The following PRKCE variants were observed in gnomAD, a reference collection of about 807,000 sequenced individuals.
PRKCE encodes the protein protein kinase C epsilon.
In PRKCE, 16 loss-of-function variants were observed where a neutral mutation model predicts 85.4. The observed-to-expected ratio is 0.19, with a 90% CI of 0.13 to 0.28. The LOEUF is 0.28. Ranked by LOEUF, PRKCE falls within the 10% of genes least tolerant of loss-of-function variation. PRKCE has a pLI of 1.00. For synonymous variants in PRKCE, 388 were observed against 371.5 expected, an observed-to-expected ratio of 1.04 and a Z score of -0.51; for missense variants, 573 against 975.2, an observed-to-expected ratio of 0.59 and a Z score of 5.49.
chr2:45,691,964 C>T (rs944603946), intron 1 of PRKCE, among the ~76,000 whole-genome samples: 9 of 152,142 alleles, frequency 5.9e-5, no homozygotes, highest in African/African-American at 2.2e-4. Flanking sequence ...ACTATGTGTC[C>T]GTTGTTCTAT....
rs1687668651 is a variant in PRKCE, at chr2:45,799,167, A to C, written c.349-43833A>C. Among the ~76,000 whole-genome samples, 9 of 147,618 alleles carry C rather than the reference A, an allele frequency of 6.1e-5. No homozygotes were observed. The South Asian group carries it at 1.9e-3, about 31-fold the overall frequency. ...GGCAACAGAGTGGGACTCCGTTTCA[A>C]AAAAAAAAAAAGAAAAAAGTGAGCA... On this transcript the variant is annotated intron_variant, in intron 1 of 14. Transcript: ENST00000306156.
intron 2 of PRKCE, among the ~76,000 whole-genome samples, chr2:45,908,765 A>T (rs1246367101): frequency 6.6e-6 from 1 of 152,212 alleles, no homozygotes; most frequent in Non-Finnish European, 1.5e-5. Flanking sequence ...GGCAATGTGG[A>T]GGATCTCTCC....
intron 2 of PRKCE, chr2:45,852,038 C>G (rs1277970749): frequency 6.6e-6 from 1 of 152,482 alleles, no homozygotes; most frequent in Non-Finnish European, 1.5e-5. Flanking sequence ...GCTGGACAGA[C>G]AATCCCACTG....
At chr2:45,972,908 T>A (rs967342697) in intron 2 of PRKCE, among the ~76,000 whole-genome samples, 11 of 152,164 alleles carry the variant, frequency 7.2e-5, no homozygotes, top group Non-Finnish European at 1.5e-5. Flanking sequence ...AAAACAATCC[T>A]AAAAGTCATA....
At chr2:45,929,706 C>A (rs1448392721) in intron 2 of PRKCE, among the ~76,000 whole-genome samples, 2 of 152,080 alleles carry the variant, frequency 1.3e-5, no homozygotes, top group Admixed American at 6.5e-5. Flanking sequence ...TCTTCCTGTT[C>A]CATCCCCATC....
chr2:46,038,952 C>A (rs895727536), intron 10 of PRKCE, among the ~76,000 whole-genome samples: 30 of 152,132 alleles, frequency 2.0e-4, no homozygotes, highest in African/African-American at 6.5e-4. Context: ...TAGTTCCTGG[C>A]TGAAAATGTC....
At chr2:45,740,944 T>G (rs1354959389) in intron 1 of PRKCE, among the ~76,000 whole-genome samples, 1 of 152,240 alleles carries the variant, frequency 6.6e-6, no homozygotes. Flanking sequence ...TACTTTCCAT[T>G]GTAGATATTA....
rs539781456 is a variant in PRKCE at position 45,937,556 on chromosome 2, C to CA, written c.413-38864dup. On this transcript the variant is annotated intron_variant, in intron 2 of 14. Transcript: ENST00000306156. ...TGAAACCCCATCTCCACTAAAAATA[C>CA]AAAAAAAAATTAGCCAGGCCTGGTG... Among the ~76,000 whole-genome samples, 251 of 150,960 alleles carry CA rather than the reference C, an allele frequency of 1.7e-3. 1 individual carries two copies. Among genetic ancestry groups the CA allele is most frequent in the South Asian group, 0.012 (57 of 4,786 alleles).
At chr2:45,784,626 A>C (rs1686451991) in intron 1 of PRKCE, among the ~76,000 whole-genome samples, 1 of 152,190 alleles carries the variant, frequency 6.6e-6, no homozygotes, top group South Asian at 2.1e-4. Flanking sequence ...GGCATCTCCT[A>C]GCTTTTTGTT....
chr2:46,020,860 G>A (rs921272446), intron 10 of PRKCE, among the ~76,000 whole-genome samples: 1 of 152,218 alleles, frequency 6.6e-6, no homozygotes, highest in African/African-American at 2.4e-5. Context: ...TATTTATTGA[G>A]CACCTATTAT....
intron 10 of PRKCE, among the ~76,000 whole-genome samples, chr2:46,025,578 C>G (rs573054379): frequency 6.6e-6 from 1 of 152,192 alleles, no homozygotes; most frequent in Non-Finnish European, 1.5e-5. Flanking sequence ...GTTGAAGTGC[C>G]CCTTCCGGGT....
chr2:45,797,069 C>A (rs1211465948), intron 1 of PRKCE, among the ~76,000 whole-genome samples: 4 of 152,214 alleles, frequency 2.6e-5, no homozygotes, highest in Admixed American at 6.5e-5. Flanking sequence ...TCAGACAAAG[C>A]AGCTTTGGGA....
Position 46,017,996 on chromosome 2 carries a change from A to G in PRKCE, c.1437+7479A>G, listed in dbSNP as rs528132236. On this transcript the variant is annotated intron_variant, in intron 10 of 14. Transcript: ENST00000306156. ...TCACCTCCAAATCCCCTCTTCCCCA[A>G]TTCCTGTCACACACATGAAAAAGGG... Among the ~76,000 whole-genome samples the G allele has an allele frequency of 9.4e-4, 143 of 152,182 alleles. 1 individual carries two copies. Among genetic ancestry groups the G allele is most frequent in the East Asian group, 2.9e-3 (15 of 5,182 alleles).
intron 10 of PRKCE, among the ~76,000 whole-genome samples, chr2:46,011,565 C>T (rs776952097): frequency 6.6e-6 from 1 of 152,156 alleles, no homozygotes; most frequent in Non-Finnish European, 1.5e-5. Context: ...GAGAGGATTT[C>T]TCAGAACCCC....
chr2:46,132,913 A>T (rs999848689), intron 11 of PRKCE, among the ~76,000 whole-genome samples: 10 of 152,070 alleles, frequency 6.6e-5, no homozygotes, highest in African/African-American at 2.4e-4. Context: ...AACTTGGGTG[A>T]CCCCCACTTT....
At chr2:45,859,236 T>G (rs1289359490) in intron 2 of PRKCE, among the ~76,000 whole-genome samples, 2 of 152,106 alleles carry the variant, frequency 1.3e-5, no homozygotes, top group African/African-American at 4.8e-5. Context: ...ATTCTTCTAT[T>G]CCTAGACGTT....
chr2:46,107,767 G>T (rs908532997), intron 11 of PRKCE, among the ~76,000 whole-genome samples: 2 of 152,020 alleles, frequency 1.3e-5, no homozygotes, highest in African/African-American at 4.8e-5. Context: ...GGTGGGTAGT[G>T]GTGTCTAATT....
At chr2:45,766,871 C>T (rs6724210) in intron 1 of PRKCE, among the ~76,000 whole-genome samples, 84,063 of 151,918 alleles carry the variant, frequency 0.55, 25,996 homozygotes, top group East Asian at 0.8. Context: ...GAAACCCCAT[C>T]TCTACTAAAA....
At position 45,748,473 on chromosome 2, in the gene PRKCE, G is replaced by T. The variant is rs190918207; in HGVS notation, c.349-94527G>T. 1.2e-4 allele frequency among the ~76,000 whole-genome samples: 18 copies of T among 152,260 alleles called. No homozygotes were observed. In the East Asian group the frequency reaches 3.1e-3, roughly 26 times the overall value. On this transcript the variant is annotated intron_variant, in intron 1 of 14. Coordinates refer to ENST00000306156, the MANE Select transcript of PRKCE (RefSeq NM_005400.3). ...CTTCTCTGGATTTCATTAAAGAAAC[G>T]CCTGTGCCTGGCAAGCAGGCCGCTG...
Sources: gnomAD v4.1 joint callset for allele counts (sites outside exome capture counted in the v4.1 genomes callset) on GRCh38, gnomAD v4.1.1 for gene constraint, MANE v1.5 for transcripts, NCBI Gene and HGNC (gene_info 2026-07-23, HGNC 2026-07-21) for gene names.